The following FNDC3B variants were observed in gnomAD, a reference collection of about 807,000 sequenced individuals.
FNDC3B encodes fibronectin type III domain containing 3B.
A neutral mutation model predicts 151.5 loss-of-function variants in FNDC3B; 12 were observed. The observed-to-expected ratio is 0.08, with a 90% CI of 0.05 to 0.13. The LOEUF (loss-of-function observed/expected upper bound fraction) is 0.13, where lower values mean the gene tolerates loss of function less well. Ranked by LOEUF, FNDC3B falls within the 10% of genes least tolerant of loss-of-function variation. The pLI, the probability that FNDC3B is intolerant of heterozygous loss-of-function variation, is 1.00. For missense variants in FNDC3B, 1,214 were observed against 1,505.3 expected, an observed-to-expected ratio of 0.81 and a Z score of 3.20; for synonymous variants, 528 against 549.0, an observed-to-expected ratio of 0.96 and a Z score of 0.54.
chr3:172,229,230 C>A (rs1726762940), intron 4 of FNDC3B, among the ~76,000 whole-genome samples: 1 of 152,148 alleles, frequency 6.6e-6, no homozygotes, highest in Admixed American at 6.5e-5. Context: ...CCACAGTCCT[C>A]TTCCTAAAGT....
intron 2 of FNDC3B, among the ~76,000 whole-genome samples, chr3:172,120,522 A>G (rs1347389125): frequency 6.6e-6 from 1 of 151,602 alleles, no homozygotes; most frequent in African/African-American, 2.4e-5. Flanking sequence ...TAATTCATCT[A>G]TATCAGGGCT....
chr3:172,315,843 GGA>G (rs920384274), intron 11 of FNDC3B, among the ~76,000 whole-genome samples: 1 of 150,016 alleles, frequency 6.7e-6, no homozygotes, highest in African/African-American at 2.5e-5. Context: ...TTTCCACAAT[GGA>G]GAGTCAGTGA....
intron 1 of FNDC3B, among the ~76,000 whole-genome samples, chr3:172,097,884 A>G (rs967431564): frequency 3.9e-5 from 6 of 152,154 alleles, no homozygotes; most frequent in Non-Finnish European, 7.4e-5. Context: ...AATCCTTGAG[A>G]TGTATGTATT....
chr3:172,200,832 T>C (rs58510312), intron 3 of FNDC3B, among the ~76,000 whole-genome samples: 2,446 of 152,248 alleles, frequency 0.016, 73 homozygotes, highest in African/African-American at 0.056. Context: ...AAAATAAAAC[T>C]GTACCTGAAA....
chr3:172,243,393 A>G (rs1304253142), intron 4 of FNDC3B, among the ~76,000 whole-genome samples: 3 of 152,186 alleles, frequency 2.0e-5, no homozygotes, highest in Admixed American at 6.5e-5. Context: ...GTTTAATTGG[A>G]CTTACAGTTT....
At chr3:172,257,780 C>A (rs1229256537) in intron 6 of FNDC3B, among the ~76,000 whole-genome samples, 1 of 152,098 alleles carries the variant, frequency 6.6e-6, no homozygotes, top group Non-Finnish European at 1.5e-5. Flanking sequence ...AGACATGTAC[C>A]CTTATGACCT....
chr3:172,293,789 G>T (rs566912109), intron 7 of FNDC3B, among the ~76,000 whole-genome samples: 1 of 152,260 alleles, frequency 6.6e-6, no homozygotes, highest in East Asian at 1.9e-4. Flanking sequence ...TAAAAATGTA[G>T]TGAAGGACAG....
chr3:172,297,351 A>G (rs191281350), intron 8 of FNDC3B, among the ~76,000 whole-genome samples: 1 of 152,330 alleles, frequency 6.6e-6, no homozygotes, highest in Admixed American at 6.5e-5. Context: ...TCCCCAAAAT[A>G]GAGAAATCAA....
chr3:172,188,065 G>A (rs1360729266), intron 3 of FNDC3B, among the ~76,000 whole-genome samples: 3 of 147,634 alleles, frequency 2.0e-5, no homozygotes, highest in Admixed American at 6.8e-5. Context: ...GCGCGATCTC[G>A]GCTCACTGCA....
chr3:172,331,160 C>A (rs1195263503), intron 13 of FNDC3B, among the ~76,000 whole-genome samples: 6 of 152,148 alleles, frequency 3.9e-5, no homozygotes, highest in African/African-American at 7.2e-5. Context: ...GGGTGGAGAA[C>A]ATCATCTTGT....
At chr3:172,246,135 T>G (rs1041178875) in intron 4 of FNDC3B, among the ~76,000 whole-genome samples, 1 of 152,196 alleles carries the variant, frequency 6.6e-6, no homozygotes, top group African/African-American at 2.4e-5. Context: ...CCTCCTGAGG[T>G]ATAATGAGAA....
chr3:172,216,093 C>G (rs1474733253), intron 3 of FNDC3B, among the ~76,000 whole-genome samples: 1 of 152,082 alleles, frequency 6.6e-6, no homozygotes, highest in Non-Finnish European at 1.5e-5. Context: ...AGAGAAAATG[C>G]TGGGATGGTT....
chr3:172,114,009 G>A (rs969464715), intron 2 of FNDC3B, among the ~76,000 whole-genome samples: 24 of 152,214 alleles, frequency 1.6e-4, no homozygotes, highest in Non-Finnish European at 3.1e-4. Context: ...AACCCTTCTC[G>A]CTGGTCTCTC....
chr3:172,086,638 C>G (rs1470266244), intron 1 of FNDC3B, among the ~76,000 whole-genome samples: 3 of 152,116 alleles, frequency 2.0e-5, no homozygotes, highest in Non-Finnish European at 4.4e-5. Context: ...TTCATATAAT[C>G]TTTATAAAAT....
rs182094623 is a variant in FNDC3B, at chr3:172,152,805, T to C, written c.187+19259T>C. 1.3e-5 allele frequency among the ~76,000 whole-genome samples: 2 copies of C among 152,274 alleles called. 1 individual carries two copies. The highest frequency in any genetic ancestry group is 1.3e-4 in the Admixed American group (2 of 15,294). The stretch of plus-strand genomic sequence containing the variant: ...TAGGAGCCCTGCTATTTCAGCTCTT[T>C]CCCCTTAATCATGTTGGTTTACATG... On this transcript the variant is annotated intron_variant, in intron 3 of 25. Coordinates refer to ENST00000415807, the MANE Select transcript of FNDC3B (RefSeq NM_022763.4).
intron 23 of FNDC3B, among the ~76,000 whole-genome samples, chr3:172,373,721 G>A (rs1326701657): frequency 6.6e-6 from 1 of 152,168 alleles, no homozygotes; most frequent in Non-Finnish European, 1.5e-5. Flanking sequence ...TAGCCACAGG[G>A]GTGTTAACCT....
intron 1 of FNDC3B, among the ~76,000 whole-genome samples, chr3:172,065,991 C>T (rs971464510): frequency 6.6e-6 from 1 of 152,108 alleles, no homozygotes; most frequent in African/African-American, 2.4e-5. Flanking sequence ...AACCTAAATA[C>T]CCCTGATTCT....
chr3:172,328,842 A>G lies in FNDC3B; in HGVS notation c.1255-110A>G, dbSNP rs1164249621. On this transcript the variant is annotated intron_variant, in intron 11 of 25. Transcript: ENST00000415807. ...TCTATTGTTTTTGTTCATTCAAACT[A>G]GGAAATTAAGCAGTTATTCAAGATG... 6.1e-6 allele frequency: 5 copies of G among 813,810 alleles called. No individual in the cohort carries two copies. In the African/African-American group the frequency reaches 8.8e-5, roughly 14 times the overall value. 50.4% of individuals were successfully genotyped at this position (813,810 alleles called of 1,614,324 possible). A position where few individuals can be genotyped will look rare whatever the true frequency, so the allele number is the denominator to read the frequency against.
At chr3:172,152,182 C>T (rs73880111) in intron 3 of FNDC3B, among the ~76,000 whole-genome samples, 5,406 of 152,244 alleles carry the variant, frequency 0.036, 276 homozygotes, top group African/African-American at 0.11. Flanking sequence ...TTCCTCTTCA[C>T]AAAAATCGCT....
Sources: allele counts gnomAD v4.1 joint callset (sites outside exome capture counted in the v4.1 genomes callset), GRCh38; gene constraint gnomAD v4.1.1; transcripts MANE v1.5; gene names NCBI Gene and HGNC (gene_info 2026-07-23, HGNC 2026-07-21).